Variants in DLGAP4 observed in about 807,000 individuals in gnomAD.
DLGAP4 encodes the protein DLG associated protein 4.
DLGAP4 carries 18 observed loss-of-function variants against 86.9 expected under a neutral mutation model. The observed-to-expected ratio is 0.21, with a 90% CI of 0.14 to 0.31. The LOEUF (loss-of-function observed/expected upper bound fraction) is 0.31, where lower values mean the gene tolerates loss of function less well. Among genes scored for constraint, DLGAP4 ranks in the 10% least tolerant of loss-of-function variants. The pLI is 1.00. For synonymous variants in DLGAP4, 548 were observed against 574.3 expected (o/e 0.95, Z 0.65); for missense variants, 1,085 against 1,362.6 (o/e 0.80, Z 3.21).
intron 11 of DLGAP4, among the ~76,000 whole-genome samples, chr20:36,525,216 C>CCAAAAAAAAAAAAAA (rs2037642657): frequency 3.5e-5 from 1 of 28,472 alleles, no homozygotes; most frequent in African/African-American, 1.0e-4. Context: ...GACTCCGTCT[C>CCAAAAAAAAAAAAAA]AAAAAAAAAA....
At chr20:36,311,378 A>G (rs1041641483) in intron 1 of DLGAP4, among the ~76,000 whole-genome samples, 79 of 152,190 alleles carry the variant, frequency 5.2e-4, no homozygotes, top group Middle Eastern at 3.4e-3. Context: ...TGGGTTTCGC[A>G]ACGCCGCCTC....
In DLGAP4 at chr20:36,524,235, C is replaced by T; in HGVS notation, c.2513-15C>T. The T allele has an allele frequency of 6.2e-7, 1 of 1,609,776 alleles. No individual in the cohort carries two copies. Among genetic ancestry groups the T allele is most frequent in the Middle Eastern group, 1.7e-4 (1 of 6,056 alleles). ...GCTGTGCTAAATCAGTCTTTTTCCA[C>T]CCTCTGTTTCTCAGTCTTAGGAAAA... On this transcript the variant is annotated splice_polypyrimidine_tract_variant and intron_variant, in intron 10 of 12. Transcript: ENST00000339266.
At chr20:36,379,187 T>C (rs1233666256) in intron 2 of DLGAP4, among the ~76,000 whole-genome samples, 1 of 151,934 alleles carries the variant, frequency 6.6e-6, no homozygotes, top group African/African-American at 2.4e-5. Flanking sequence ...AAATGCTGGA[T>C]GGGTAAAGTG....
chr20:36,315,150 G>A (rs2065087541), intron 1 of DLGAP4, among the ~76,000 whole-genome samples: 1 of 151,182 alleles, frequency 6.6e-6, no homozygotes, highest in Non-Finnish European at 1.5e-5. Flanking sequence ...TGTGTGGTGT[G>A]TGTGCTGTGA....
intron 2 of DLGAP4, among the ~76,000 whole-genome samples, chr20:36,380,645 GA>G (rs2031352482): frequency 1.7e-5 from 2 of 116,070 alleles, no homozygotes; most frequent in African/African-American, 3.3e-5. Context: ...GAGAGAGAGA[GA>G]GAGAGAGAGA....
At chr20:36,497,627 C>T in intron 8 of DLGAP4, 6 of 987,106 alleles carry the variant, frequency 6.1e-6, no homozygotes, top group Non-Finnish European at 7.2e-6. Context: ...GTACCAGGCC[C>T]ATGTCATTGA....
At chr20:36,318,548 A>T (rs2065134246) in intron 1 of DLGAP4, among the ~76,000 whole-genome samples, 3 of 152,072 alleles carry the variant, frequency 2.0e-5, no homozygotes, top group African/African-American at 7.2e-5. Flanking sequence ...AATTTTTTAA[A>T]TTTTTTGTAA....
Position 36,436,309 on chromosome 20 carries a change from G to A in DLGAP4, c.1200G>A (p.Arg400=), listed in dbSNP as rs559191417. The change falls in exon 4 of 13, where the codon AGG becomes AGA. Residue 400 remains arginine (R), a synonymous_variant. Transcript: ENST00000339266. ...KTAARRQSYL[R]ATQQSLGEQS... is the part of the protein sequence containing the mutation. ...CGGCGCGGCGCCAGAGCTATCTGAG[G>A]GCCACGCAGCAGTCGCTGGGAGAGC... The A allele has an allele frequency of 1.5e-5, 24 of 1,603,728 alleles. No individual in the cohort carries two copies. The African/African-American group carries it at 2.8e-4, about 19-fold the overall frequency.
chr20:36,380,521 G>C (rs371288087), intron 2 of DLGAP4, among the ~76,000 whole-genome samples: 1 of 151,842 alleles, frequency 6.6e-6, no homozygotes, highest in Admixed American at 6.6e-5. Flanking sequence ...CCAAGAATTC[G>C]AGGTTACAGT....
chr20:36,525,254 A>AAAAAAAAAAAAAAAAC (rs1569527332), intron 11 of DLGAP4, among the ~76,000 whole-genome samples: 4 of 62,464 alleles, frequency 6.4e-5, no homozygotes, highest in African/African-American at 1.5e-4. Context: ...AAAAAAAAAA[A>AAAAAAAAAAAAAAAAC]CAAAGAAATC....
intron 1 of DLGAP4, among the ~76,000 whole-genome samples, chr20:36,326,145 T>C (rs1178593199): frequency 6.6e-6 from 1 of 152,210 alleles, no homozygotes; most frequent in East Asian, 1.9e-4. Flanking sequence ...GCATTTCTTG[T>C]AGGCAGCATA....
At chr20:36,422,340 C>T (rs920405412) in intron 2 of DLGAP4, among the ~76,000 whole-genome samples, 1 of 152,186 alleles carries the variant, frequency 6.6e-6, no homozygotes, top group Non-Finnish European at 1.5e-5. Context: ...CTCTCTACCT[C>T]TGTTAATGCA....
chr20:36,424,862 A>C (rs1380030028), intron 2 of DLGAP4, among the ~76,000 whole-genome samples: 1 of 151,968 alleles, frequency 6.6e-6, no homozygotes, highest in Non-Finnish European at 1.5e-5. Context: ...CTGCCTCCCA[A>C]GTGGCTGGGA....
Position 36,431,679 on chromosome 20 carries a change from C to G in DLGAP4, c.-39C>G. Reference sequence around the variant, plus strand: ...CCGCCCGGGAGAGGTGACCCGGGCGCCCTGCTAGGGTGAAGGCCCCTGCCC... The same window carrying G: ...CCGCCCGGGAGAGGTGACCCGGGCGGCCTGCTAGGGTGAAGGCCCCTGCCC... On this transcript the variant is annotated 5_prime_UTR_variant, in exon 3 of 13. Coordinates refer to ENST00000339266, the MANE Select transcript of DLGAP4 (RefSeq NM_001365621.2). This position sits in a 1 kb window ranked among gnomAD's most constrained non-coding sequence, Gnocchi z 5.1. The G allele has an allele frequency of 6.6e-7, 1 of 1,526,090 alleles. No individual in the cohort carries two copies. The highest frequency in any genetic ancestry group is 8.8e-7 in the Non-Finnish European group (1 of 1,137,068). The allele number at this position is 1,526,090 out of a possible 1,614,324, so 94.5% of individuals were successfully genotyped here.
Position 36,436,175 on chromosome 20 carries a change from G to C in DLGAP4, c.1066G>C (p.Glu356Gln). 1 of 1,598,828 alleles carries C rather than the reference G, an allele frequency of 6.3e-7. No individual in the cohort carries two copies. The highest frequency in any genetic ancestry group is 8.5e-7 in the Non-Finnish European group (1 of 1,177,818). Reference sequence around the variant, plus strand: ...CCCACGCGAGACGGATGCCGCGGCCGAGGGCCCTATCCCGTGCCGGCGCAT... The same window carrying C: ...CCCACGCGAGACGGATGCCGCGGCCCAGGGCCCTATCCCGTGCCGGCGCAT... ...LSPRETDAAA[E>Q]GPIPCRRMRS... The change falls in exon 4 of 13, where the codon GAG becomes CAG. Residue 356 changes from glutamate (E) to glutamine (Q), a missense_variant. Physicochemically the swap from Glu to Gln is conservative, Grantham distance 29. Transcript: ENST00000339266.
intron 1 of DLGAP4, among the ~76,000 whole-genome samples, chr20:36,323,881 C>CA (rs2065192825): frequency 1.3e-5 from 2 of 152,230 alleles, no homozygotes; most frequent in South Asian, 4.1e-4. Context: ...AGGAGGAGCT[C>CA]AGGCGGTAAA....
chr20:36,364,018 G>T (rs940058365), intron 1 of DLGAP4, among the ~76,000 whole-genome samples: 1 of 152,182 alleles, frequency 6.6e-6, no homozygotes, highest in Non-Finnish European at 1.5e-5. Flanking sequence ...GACATACAAG[G>T]ACCACAAAGG....
chr20:36,470,236 C>T (rs2034601819), intron 7 of DLGAP4, among the ~76,000 whole-genome samples: 1 of 152,158 alleles, frequency 6.6e-6, no homozygotes, highest in Non-Finnish European at 1.5e-5. Context: ...TCAAAGCCTT[C>T]TTCAAATCCT....
chr20:36,363,083 G>A (rs782348839), intron 1 of DLGAP4, among the ~76,000 whole-genome samples: 1 of 152,226 alleles, frequency 6.6e-6, no homozygotes, highest in Non-Finnish European at 1.5e-5. Context: ...TCTCAGCAAA[G>A]ATTCTGAAAG....
Sources: gnomAD v4.1 joint callset for allele counts (sites outside exome capture counted in the v4.1 genomes callset) on GRCh38, gnomAD v4.1.1 for gene constraint, Gnocchi (gnomAD v3.1) non-coding constraint, MANE v1.5 for transcripts, NCBI Gene and HGNC (gene_info 2026-07-23, HGNC 2026-07-21) for gene names.